Variants in MIOS observed in about 807,000 individuals in gnomAD.
MIOS encodes the protein GATOR2 complex protein MIOS.
In MIOS, 52 loss-of-function variants were observed where a neutral mutation model predicts 96.9. The observed-to-expected ratio is 0.54, with a 90% CI of 0.43 to 0.68. The LOEUF (loss-of-function observed/expected upper bound fraction) is 0.68, where lower values mean the gene tolerates loss of function less well. Ranked by LOEUF, MIOS falls within the 30% of genes least tolerant of loss-of-function variation. The pLI is 0.00. For synonymous variants in MIOS, 397 were observed against 359.5 expected, an observed-to-expected ratio of 1.10 and a Z score of -1.18; for missense variants, 1,005 against 1,052.8, an observed-to-expected ratio of 0.95 and a Z score of 0.63.
chr7:7,602,615 G>A (rs1010090355), intron 11 of MIOS, among the ~76,000 whole-genome samples: 1 of 152,086 alleles, frequency 6.6e-6, no homozygotes, highest in African/African-American at 2.4e-5. Flanking sequence ...CTCATGGGTG[G>A]GAAGAATCAA....
At chr7:7,602,327 A>G (rs1194427886) in intron 11 of MIOS, among the ~76,000 whole-genome samples, 7 of 152,184 alleles carry the variant, frequency 4.6e-5, no homozygotes, top group Non-Finnish European at 8.8e-5. Flanking sequence ...AGAAATCCCC[A>G]TTGTCTCAGC....
chr7:7,567,508 T>C (rs1172063113), intron 1 of MIOS, 99 bp from the exon 2 acceptor site: 1 of 152,180 alleles, frequency 6.6e-6, no homozygotes, highest in Non-Finnish European at 1.5e-5. Flanking sequence ...TCTTCTCATA[T>C]GAGTAATGAA....
At chr7:7,601,854 C>G (rs965393402) in intron 11 of MIOS, among the ~76,000 whole-genome samples, 1 of 152,144 alleles carries the variant, frequency 6.6e-6, no homozygotes, top group Non-Finnish European at 1.5e-5. Context: ...TCCAGCAACA[C>G]ATCAAAAAGC....
chr7:7,596,187 G>C, intron 10 of MIOS, 70 bp from the exon 11 acceptor site: 1 of 1,301,216 alleles, frequency 7.7e-7, no homozygotes, highest in Non-Finnish European at 1.1e-6. Flanking sequence ...TTTGTTAGGC[G>C]CACACTAAGT....
At chr7:7,601,814 A>G (rs560640240) in intron 11 of MIOS, among the ~76,000 whole-genome samples, 3 of 152,332 alleles carry the variant, frequency 2.0e-5, no homozygotes, top group African/African-American at 7.2e-5. Context: ...ATTGATGCAA[A>G]AATCCTCAAT....
rs1563040801 is a variant in MIOS, at chr7:7,597,480, ATATATAT to A, written c.2401+1020_2401+1026del. ...TTACCTAGTAAATTTATATATATAT[ATATATAT>A]ATATATATATATATATATATATATA... On this transcript the variant is annotated intron_variant, in intron 11 of 12. Transcript: ENST00000340080. Among the ~76,000 whole-genome samples the A allele has an allele frequency of 7.6e-4, 25 of 32,940 alleles. 3 individuals carry two copies. The East Asian group carries it at 0.017, about 23-fold the overall frequency. The allele number at this position is 32,940 out of a possible 152,430, so 21.6% of individuals were successfully genotyped here.
chr7:7,568,534 G>A (rs535575191), intron 3 of MIOS, among the ~76,000 whole-genome samples: 32 of 152,324 alleles, frequency 2.1e-4, no homozygotes, highest in Admixed American at 1.4e-3. Flanking sequence ...TCTCTATACA[G>A]GGCTACTCTT....
Position 7,567,023 on chromosome 7 carries a change from G to T in MIOS, c.-270G>T, listed in dbSNP as rs566360412. ...CGTCCGGGCTCCTGCGGCGGGCGGG[G>T]CGGTGTCCCGGCCGGAAGCGGCTGT... On this transcript the variant is annotated 5_prime_UTR_variant, in exon 1 of 13. Coordinates refer to ENST00000340080, the MANE Select transcript of MIOS (RefSeq NM_019005.4). 6 of 152,136 alleles carry T rather than the reference G, an allele frequency of 3.9e-5. No homozygotes were observed. The highest frequency in any genetic ancestry group is 7.2e-5 in the African/African-American group (3 of 41,534). The allele number at this position is 152,136 out of a possible 1,614,324, so 9.4% of individuals were successfully genotyped here. A position where few individuals can be genotyped will look rare whatever the true frequency, so the allele number is the denominator to read the frequency against.
At chr7:7,586,965 C>G (rs553269644) in intron 7 of MIOS, among the ~76,000 whole-genome samples, 148 of 149,146 alleles carry the variant, frequency 9.9e-4, no homozygotes, top group African/African-American at 3.5e-3. Flanking sequence ...GTTAAGTGAC[C>G]CATAATAAGT....
chr7:7,574,245 C>A, intron 5 of MIOS, 49 bp downstream of exon 5: 1 of 1,387,354 alleles, frequency 7.2e-7, no homozygotes, highest in South Asian at 1.3e-5. Context: ...AACTTTTGTA[C>A]TTTTATTTTG....
chr7:7,593,892 AAAAG>A lies in MIOS; in HGVS notation c.2044-1084_2044-1081del, dbSNP rs1346879207. Among the ~76,000 whole-genome samples the A allele has an allele frequency of 6.3e-4, 61 of 97,562 alleles. 1 individual carries two copies. Among genetic ancestry groups the A allele is most frequent in the African/African-American group, 1.4e-3 (34 of 23,476 alleles). 64.0% of individuals were successfully genotyped at this position (97,562 alleles called of 152,430 possible). On this transcript the variant is annotated intron_variant, in intron 9 of 12. Transcript: ENST00000340080. ...AGACTCTGTCTCCAAAAAAAAAAAA[AAAAG>A]AAAAAGAAAAGAAAAAAAGAAAACC...
rs1296553169 is a variant in MIOS at position 7,568,027 on chromosome 7, G to A, written c.-137G>A. 1 of 152,190 alleles carries A rather than the reference G, an allele frequency of 6.6e-6. No homozygotes were observed. Among genetic ancestry groups the A allele is most frequent in the Non-Finnish European group, 1.5e-5 (1 of 68,038 alleles). The allele number at this position is 152,190 out of a possible 1,614,324, so 9.4% of individuals were successfully genotyped here. ...TCACACTGTATTTCTTTTGGACAGT[G>A]CTGTTGCAAATATTCTGGTGAATGA... On this transcript the variant is annotated splice_region_variant and 5_prime_UTR_variant, in exon 3 of 13. Coordinates refer to ENST00000340080, the MANE Select transcript of MIOS (RefSeq NM_019005.4).
chr7:7,589,878 A>G (rs1004480560), intron 9 of MIOS, among the ~76,000 whole-genome samples: 1 of 152,190 alleles, frequency 6.6e-6, no homozygotes, highest in African/African-American at 2.4e-5. Flanking sequence ...CTTCTACAAG[A>G]AAGATTGGCT....
intron 3 of MIOS, among the ~76,000 whole-genome samples, chr7:7,571,007 A>G (rs76782942): frequency 5.3e-5 from 8 of 152,126 alleles, no homozygotes; most frequent in Admixed American, 2.6e-4. Context: ...AAGAAAAGCA[A>G]TTATGTTTGA....
At position 7,589,388 on chromosome 7, in the gene MIOS, C is replaced by T. The variant is rs758586095; in HGVS notation, c.1885-17C>T. On this transcript the variant is annotated splice_polypyrimidine_tract_variant and intron_variant, in intron 8 of 12. Transcript: ENST00000340080. ...GTGAAACAGATTGCTTTAGAAAAAT[C>T]ACTTTAAATTTTCCAGTTAAATAGA... The T allele has an allele frequency of 3.1e-6, 5 of 1,608,988 alleles. No homozygotes were observed. The Admixed American group carries it at 6.7e-5, about 22-fold the overall frequency.
intron 11 of MIOS, among the ~76,000 whole-genome samples, chr7:7,597,577 G>A (rs938290935): frequency 3.6e-5 from 5 of 140,418 alleles, no homozygotes; most frequent in African/African-American, 5.3e-5. Flanking sequence ...TTTAATCAAG[G>A]ATTTTTATTT....
chr7:7,575,222 C>T (rs1487652325), intron 5 of MIOS, among the ~76,000 whole-genome samples: 2 of 151,908 alleles, frequency 1.3e-5, no homozygotes, highest in Non-Finnish European at 2.9e-5. Context: ...TGATTTTTTA[C>T]GGAGCTTGTA....
At chr7:7,603,759 A>C (rs574015759) in intron 11 of MIOS, among the ~76,000 whole-genome samples, 1 of 152,284 alleles carries the variant, frequency 6.6e-6, no homozygotes, top group East Asian at 1.9e-4. Flanking sequence ...AGACACATGC[A>C]CACGTATGTT....
intron 3 of MIOS, among the ~76,000 whole-genome samples, chr7:7,569,858 G>T (rs1783290188): frequency 6.6e-6 from 1 of 152,188 alleles, no homozygotes; most frequent in Non-Finnish European, 1.5e-5. Context: ...ATTTGCAAAG[G>T]TATGGTGATG....
Sources: allele counts gnomAD v4.1 joint callset (sites outside exome capture counted in the v4.1 genomes callset), GRCh38; gene constraint gnomAD v4.1.1; transcripts MANE v1.5; gene names NCBI Gene and HGNC (gene_info 2026-07-23, HGNC 2026-07-21).